NUP133: variants seen among roughly 807,000 people sequenced by gnomAD.
The protein encoded by NUP133 is nucleoporin 133.
In NUP133, 66 loss-of-function variants were observed where a neutral mutation model predicts 146.2. That is an observed-to-expected ratio of 0.45 (90% CI 0.37 to 0.55). The LOEUF (loss-of-function observed/expected upper bound fraction) is 0.55. Ranked by LOEUF, NUP133 falls within the 20% of genes least tolerant of loss-of-function variation. The pLI is 0.00. For synonymous variants in NUP133, 521 were observed against 498.8 expected, an observed-to-expected ratio of 1.04 and a Z score of -0.59; for missense variants, 1,277 against 1,374.8, an observed-to-expected ratio of 0.93 and a Z score of 1.12.
intron 12 of NUP133, among the ~76,000 whole-genome samples, chr1:229,481,218 T>C (rs1037238237): frequency 2.6e-5 from 4 of 152,162 alleles, no homozygotes; most frequent in Admixed American, 2.0e-4. Context: ...AGGACTTAGA[T>C]CAGGGGTCCC....
intron 13 of NUP133, 113 bp from the exon 14 acceptor site, chr1:229,475,845 C>G (rs1661062043): frequency 1.2e-6 from 1 of 813,778 alleles, no homozygotes; most frequent in Non-Finnish European, 2.0e-6. Flanking sequence ...CACGGTGGCT[C>G]ACACCTGTAA....
At chr1:229,462,514 T>C (rs970415111) in intron 19 of NUP133, among the ~76,000 whole-genome samples, 7 of 152,264 alleles carry the variant, frequency 4.6e-5, no homozygotes, top group African/African-American at 1.7e-4. Flanking sequence ...CTGAATAGAC[T>C]GGCTTCAAGC....
intron 8 of NUP133, among the ~76,000 whole-genome samples, chr1:229,493,132 T>C (rs752487498): frequency 3.5e-4 from 53 of 152,302 alleles, no homozygotes; most frequent in Non-Finnish European, 6.2e-4. Context: ...AATGAAGATA[T>C]CTAAACTTTG....
intron 20 of NUP133, 95 bp from the exon 21 acceptor site, chr1:229,458,391 G>T: frequency 8.0e-7 from 1 of 1,255,784 alleles, no homozygotes; most frequent in Non-Finnish European, 1.1e-6. Context: ...TCTCCCCTAA[G>T]CCGTATCAAT....
At chr1:229,444,464 T>C (rs1660258950) in intron 25 of NUP133, among the ~76,000 whole-genome samples, 1 of 152,238 alleles carries the variant, frequency 6.6e-6, no homozygotes. Flanking sequence ...ATATTAGTGC[T>C]AGATACTTAA....
intron 12 of NUP133, among the ~76,000 whole-genome samples, chr1:229,482,713 C>T (rs549154904): frequency 2.6e-5 from 4 of 152,174 alleles, no homozygotes; most frequent in Non-Finnish European, 5.9e-5. Context: ...TGCTTAGGCA[C>T]GCTCTCACTA....
chr1:229,508,187 G>A lies in NUP133; in HGVS notation c.63C>T (p.Ala21=), dbSNP rs764589666. ...PGTGSRRGPL[A]GLGPGSTPRT... ...GGGGCGTGGAGCCGGGCCCGAGTCC[G>A]GCCAGCGGGCCCCTTCGGGACCCGG... The change falls in exon 1 of 26, where the codon GCC becomes GCT. Residue 21 remains alanine, a synonymous_variant. Coordinates refer to ENST00000261396, the MANE Select transcript of NUP133 (RefSeq NM_018230.3). The A allele has an allele frequency of 1.3e-6, 2 of 1,579,782 alleles. No homozygotes were observed. The highest frequency in any genetic ancestry group is 1.1e-5 in the South Asian group (1 of 87,504).
chr1:229,477,015 T>G (rs1263012146), intron 13 of NUP133, among the ~76,000 whole-genome samples: 1 of 150,424 alleles, frequency 6.6e-6, no homozygotes, highest in Non-Finnish European at 1.5e-5. Context: ...CTTTTAGAAA[T>G]AAAAGCCAGG....
At chr1:229,450,672 A>G in intron 22 of NUP133, 67 bp from the exon 23 acceptor site, 1 of 738,732 alleles carries the variant, frequency 1.4e-6, no homozygotes, top group South Asian at 1.9e-5. Context: ...ACATTTATGG[A>G]GAAAAGAAGT....
At chr1:229,460,008 G>T (rs1660656696) in intron 20 of NUP133, among the ~76,000 whole-genome samples, 1 of 151,888 alleles carries the variant, frequency 6.6e-6, no homozygotes, top group East Asian at 1.9e-4. Context: ...TTTTCTCCAT[G>T]TCTTCTCCAG....
At position 229,449,117 on chromosome 1, in the gene NUP133, A is replaced by G. The variant is rs367927968; in HGVS notation, c.3245+9T>C. 2 of 1,605,862 alleles carry G rather than the reference A, an allele frequency of 1.2e-6. No individual in the cohort carries two copies. The stretch of plus-strand genomic sequence containing the variant: ...TACTTTCCAAAGAAGCAATGCCACG[A>G]GCACTTACTTATCTCTCTGAAGAGC... On this transcript the variant is annotated intron_variant, in intron 24 of 25. Coordinates refer to ENST00000261396, the MANE Select transcript of NUP133 (RefSeq NM_018230.3).
chr1:229,449,984 A>G (rs1660409527), intron 23 of NUP133, among the ~76,000 whole-genome samples: 1 of 144,506 alleles, frequency 6.9e-6, no homozygotes, highest in African/African-American at 2.6e-5. Flanking sequence ...GATTCAAGAG[A>G]CTCATGCCTC....
At chr1:229,454,377 C>T (rs958591768) in intron 21 of NUP133, among the ~76,000 whole-genome samples, 7 of 152,160 alleles carry the variant, frequency 4.6e-5, no homozygotes, top group African/African-American at 1.7e-4. Context: ...GCAGCATTCC[C>T]CGTGATCCTG....
chr1:229,495,875 ATAT>A lies in NUP133; in HGVS notation c.975+14_975+16del, dbSNP rs755201149. On this transcript the variant is annotated intron_variant, in intron 7 of 25. Transcript: ENST00000261396. ...CCATAAACATGAATTACAGAGATGA[ATAT>A]TATTGTTTCTTACCCAAATAGCATC... 5 of 1,559,990 alleles carry A rather than the reference ATAT, an allele frequency of 3.2e-6. No homozygotes were observed. Among genetic ancestry groups the A allele is most frequent in the Admixed American group, 4.0e-5 (2 of 49,792 alleles).
Position 229,460,393 on chromosome 1 carries a change from T to C in NUP133, c.2844+218A>G, listed in dbSNP as rs139556265. 5.1e-3 allele frequency among the ~76,000 whole-genome samples: 770 copies of C among 152,142 alleles called. 7 individuals are homozygous for C. Among genetic ancestry groups the C allele is most frequent in the African/African-American group, 0.018 (743 of 41,492 alleles). On this transcript the variant is annotated intron_variant, in intron 20 of 25. Transcript: ENST00000261396. ...TTGTTATTTATGTTTCCTAGGCTGG[T>C]CTTGAACTCCTGCACTCAAGAGATC...
Position 229,440,334 on chromosome 1 carries a change from TAGAG to T in NUP133, c.*1566_*1569del, listed in dbSNP as rs1422968084. 2 of 152,292 alleles carry T rather than the reference TAGAG, an allele frequency of 1.3e-5. No individual in the cohort carries two copies. Among genetic ancestry groups the T allele is most frequent in the South Asian group, 4.1e-4 (2 of 4,828 alleles). The allele number at this position is 152,292 out of a possible 1,614,324, so 9.4% of individuals were successfully genotyped here. ...CATTTGGGTGTAATAGCTACTAACTTAGAGAGAAACAGGATTAAAAGAGGGAGCT... is the reference window on the plus strand; with the variant it reads ...CATTTGGGTGTAATAGCTACTAACTTAGAAACAGGATTAAAAGAGGGAGCT... On this transcript the variant is annotated 3_prime_UTR_variant, in exon 26 of 26. Coordinates refer to ENST00000261396, the MANE Select transcript of NUP133 (RefSeq NM_018230.3).
intron 8 of NUP133, 31 bp downstream of exon 8, chr1:229,495,464 C>T (rs1661633544): frequency 6.6e-7 from 1 of 1,510,750 alleles, no homozygotes; most frequent in East Asian, 2.3e-5. Flanking sequence ...AAACTCTTCT[C>T]TATGTTCTTT....
At chr1:229,490,882 T>A (rs542990991) in intron 8 of NUP133, among the ~76,000 whole-genome samples, 120 of 147,654 alleles carry the variant, frequency 8.1e-4, no homozygotes, top group African/African-American at 2.9e-3. Flanking sequence ...ACCCGGGAGG[T>A]GGAGGTTGCA....
At chr1:229,489,805 G>C in intron 9 of NUP133, 150 bp downstream of exon 9, 2 of 554,634 alleles carry the variant, frequency 3.6e-6, no homozygotes, top group South Asian at 4.7e-5. Flanking sequence ...TGGAAGGGGA[G>C]ACAGAGGTTG....
Sources: allele counts gnomAD v4.1 joint callset (sites outside exome capture counted in the v4.1 genomes callset), GRCh38; gene constraint gnomAD v4.1.1; transcripts MANE v1.5; gene names NCBI Gene and HGNC (gene_info 2026-07-23, HGNC 2026-07-21).